Variants in ALDH9A1 observed in about 807,000 individuals in gnomAD.
ALDH9A1 encodes 4-trimethylaminobutyraldehyde dehydrogenase.
In ALDH9A1, 42 loss-of-function variants were observed where a neutral mutation model predicts 56.6. That is an observed-to-expected ratio of 0.74 (90% CI 0.58 to 0.96). ALDH9A1 has a LOEUF of 0.96. Ranked by LOEUF, ALDH9A1 falls within the 40% of genes least tolerant of loss-of-function variation. ALDH9A1 has a pLI of 0.00. For missense variants in ALDH9A1, 661 were observed against 651.5 expected (o/e 1.01, Z -0.16); for synonymous variants, 242 against 236.0 (o/e 1.03, Z -0.23).
chr1:165,664,891 A>C (rs113699873), intron 10 of ALDH9A1, 127 bp downstream of exon 10: 4 of 716,360 alleles, frequency 5.6e-6, no homozygotes, highest in Non-Finnish European at 4.8e-6. Flanking sequence ...CTGGGGAAGG[A>C]CCAGGAACCT....
intron 2 of ALDH9A1, among the ~76,000 whole-genome samples, chr1:165,689,218 T>C (rs1356721651): frequency 6.6e-6 from 1 of 152,214 alleles, no homozygotes; most frequent in Non-Finnish European, 1.5e-5. Context: ...GAAAATTCTA[T>C]ATGAATATTT....
At chr1:165,692,874 A>T (rs1649940593) in intron 2 of ALDH9A1, among the ~76,000 whole-genome samples, 1 of 152,070 alleles carries the variant, frequency 6.6e-6, no homozygotes, top group Non-Finnish European at 1.5e-5. Context: ...GAGATATAGA[A>T]CAATGGAACA....
intron 6 of ALDH9A1, chr1:165,671,443 A>AT (rs1189545358): frequency 4.5e-6 from 2 of 442,910 alleles, no homozygotes. Context: ...ATCCTGAGAG[A>AT]TTCACATGAT....
At chr1:165,674,197 G>A (rs1317947742) in intron 6 of ALDH9A1, among the ~76,000 whole-genome samples, 1 of 150,910 alleles carries the variant, frequency 6.6e-6, no homozygotes, top group Admixed American at 6.7e-5. Flanking sequence ...CCCACCCCTT[G>A]TTTAGCATAC....
At chr1:165,690,826 T>A (rs1649865529) in intron 2 of ALDH9A1, among the ~76,000 whole-genome samples, 1 of 152,130 alleles carries the variant, frequency 6.6e-6, no homozygotes, top group African/African-American at 2.4e-5. Flanking sequence ...CGTCTGCCAT[T>A]CCTGAGGCTT....
intron 6 of ALDH9A1, chr1:165,676,926 G>T: frequency 5.4e-6 from 1 of 184,236 alleles, no homozygotes; most frequent in Non-Finnish European, 1.1e-5. Flanking sequence ...TGTCTTTACT[G>T]TTCAGACTTA....
At chr1:165,680,767 A>G (rs1649526244) in intron 4 of ALDH9A1, 84 bp from the exon 5 acceptor site, 5 of 1,289,112 alleles carry the variant, frequency 3.9e-6, no homozygotes, top group Non-Finnish European at 5.4e-6. Context: ...CAATTCAAAA[A>G]TGATTCCAAT....
chr1:165,695,826 TC>T (rs1650065176), intron 1 of ALDH9A1, among the ~76,000 whole-genome samples: 1 of 151,702 alleles, frequency 6.6e-6, no homozygotes, highest in African/African-American at 2.4e-5. Context: ...TTAGTGACCA[TC>T]TCTATACTAG....
rs2101748518 is a variant in ALDH9A1, at chr1:165,682,231, G to T, written c.468C>A (p.Ile156=). 1 of 1,613,382 alleles carries T rather than the reference G, an allele frequency of 6.2e-7. No homozygotes were observed. Among genetic ancestry groups the T allele is most frequent in the Admixed American group, 1.7e-5 (1 of 59,996 alleles). Residue 156 remains isoleucine, a synonymous_variant, in exon 4 of 11, where the codon ATC becomes ATA. Coordinates refer to ENST00000354775, the MANE Select transcript of ALDH9A1 (RefSeq NM_000696.4). ...AACCAAACGATCCACCTGGGAGCTG[G>T]ATGTGTTCACCTATGGGGAAAACAG... ...GLAASMAGEH[I]QLPGGSFGYT... is the part of the protein sequence containing the mutation.
At chr1:165,694,060 G>A (rs1308634333) in intron 2 of ALDH9A1, among the ~76,000 whole-genome samples, 6 of 142,840 alleles carry the variant, frequency 4.2e-5, no homozygotes, top group South Asian at 2.4e-4. Context: ...CACCGGGGCC[G>A]TAGGGGGTGG....
At chr1:165,668,697 G>C (rs1383135916) in intron 8 of ALDH9A1, 3 of 364,266 alleles carry the variant, frequency 8.2e-6, no homozygotes, top group Non-Finnish European at 1.5e-5. Flanking sequence ...CTTGCTTCCA[G>C]AACAATAGTT....
intron 9 of ALDH9A1, 101 bp downstream of exon 9, chr1:165,667,187 AGAAAGTGCTGATGGCTCCTAT>A: frequency 7.5e-7 from 1 of 1,340,240 alleles, no homozygotes; most frequent in Non-Finnish European, 1.0e-6. Flanking sequence ...TGAAGCAAAC[AGAAAGTGCTGATGGCTCCTAT>A]GAGGGCAAAC....
chr1:165,672,912 G>GAGC (rs1649225064), intron 6 of ALDH9A1, among the ~76,000 whole-genome samples: 1 of 151,094 alleles, frequency 6.6e-6, no homozygotes, highest in South Asian at 2.1e-4. Flanking sequence ...ACTCCAGCCT[G>GAGC]AGCAACAGAG....
In ALDH9A1 at chr1:165,663,207, TC is replaced by T. The variant is rs1648900432; in HGVS notation, c.1463-64del. 10 of 1,333,850 alleles carry T rather than the reference TC, an allele frequency of 7.5e-6. No homozygotes were observed. The Admixed American group carries it at 1.7e-4, about 22-fold the overall frequency. The allele number at this position is 1,333,850 out of a possible 1,614,324, so 82.6% of individuals were successfully genotyped here. On this transcript the variant is annotated intron_variant, in intron 10 of 10. Coordinates refer to ENST00000354775, the MANE Select transcript of ALDH9A1 (RefSeq NM_000696.4). ...ACAATAGTCTGAAAAGTCACAATGA[TC>T]TTCAAAGATGAGCACTGCTAATCAG...
intron 6 of ALDH9A1, among the ~76,000 whole-genome samples, chr1:165,677,414 T>C (rs182697118): frequency 2.6e-5 from 4 of 152,054 alleles, no homozygotes; most frequent in African/African-American, 9.7e-5. Flanking sequence ...TTCAGAGAAA[T>C]GGCTGGTTCC....
intron 6 of ALDH9A1, chr1:165,671,778 CA>C (rs373324484): frequency 0.012 from 2,617 of 226,422 alleles, no homozygotes; most frequent in South Asian, 0.025. Context: ...AACTAACAAA[CA>C]AAAAAAAAAG....
chr1:165,671,602 G>A (rs1649181862), intron 6 of ALDH9A1: 2 of 469,812 alleles, frequency 4.3e-6, no homozygotes, highest in Non-Finnish European at 8.2e-6. Context: ...GAAAGGATGA[G>A]GATGCTAAAT....
chr1:165,679,409 C>G (rs1317307294), intron 6 of ALDH9A1, 33 bp downstream of exon 6: 2 of 1,608,252 alleles, frequency 1.2e-6, no homozygotes, highest in African/African-American at 2.7e-5. Flanking sequence ...GGTAGAGATT[C>G]CTTTTACACC....
chr1:165,679,091 T>C (rs1378119736), intron 6 of ALDH9A1, among the ~76,000 whole-genome samples: 3 of 152,208 alleles, frequency 2.0e-5, no homozygotes, highest in Non-Finnish European at 4.4e-5. Flanking sequence ...ACTATATCAA[T>C]GTTAATTTTT....
Sources: allele counts gnomAD v4.1 joint callset (sites outside exome capture counted in the v4.1 genomes callset), GRCh38; gene constraint gnomAD v4.1.1; transcripts MANE v1.5; gene names NCBI Gene and HGNC (gene_info 2026-07-23, HGNC 2026-07-21).